DUSP12: variants seen among roughly 807,000 people sequenced by gnomAD.
DUSP12 encodes dual specificity phosphatase 12.
DUSP12 carries 25 observed loss-of-function variants against 38.9 expected under a neutral mutation model. That is an observed-to-expected ratio of 0.64 (90% CI 0.47 to 0.90). The LOEUF is 0.90. Among genes scored for constraint, DUSP12 ranks in the 40% least tolerant of loss-of-function variants. DUSP12 has a pLI of 0.00. For missense variants in DUSP12, 403 were observed against 427.0 expected, an observed-to-expected ratio of 0.94 and a Z score of 0.50; for synonymous variants, 153 against 153.9, an observed-to-expected ratio of 0.99 and a Z score of 0.05.
At chr1:161,751,099 T>C (rs1370707068) in intron 1 of DUSP12, 1 of 152,214 alleles carries the variant, frequency 6.6e-6, no homozygotes, top group African/African-American at 2.4e-5. Flanking sequence ...GATTTGTTTT[T>C]GTTTTGTTTT....
intron 1 of DUSP12, 66 bp from the exon 2 acceptor site, chr1:161,751,602 G>C: frequency 1.3e-6 from 2 of 1,560,608 alleles, no homozygotes; most frequent in Non-Finnish European, 8.6e-7. Flanking sequence ...TAGGGGGCTG[G>C]GCTTTGTGTG....
chr1:161,752,393 CTT>C lies in DUSP12; in HGVS notation c.605_606del (p.Phe202CysfsTer3), dbSNP rs1217966187. On this transcript the variant is annotated frameshift_variant, in exon 4 of 6. Coordinates refer to ENST00000367943, the MANE Select transcript of DUSP12 (RefSeq NM_007240.3). LOFTEE classifies it high-confidence loss of function. ...AATTGCAGAATTTACCTCAAGAACT[CTT>C]TGCTGTTGACCCAACTACCGTTTCA... ...PELQNLPQEL[F>X]AVDPTTVSQG... 6.2e-7 allele frequency: 1 copy of C among 1,612,514 alleles called. No individual in the cohort carries two copies. Among genetic ancestry groups the C allele is most frequent in the Non-Finnish European group, 8.5e-7 (1 of 1,178,998 alleles).
intron 1 of DUSP12, 81 bp downstream of exon 1, chr1:161,750,226 G>C: frequency 6.8e-7 from 1 of 1,474,316 alleles, no homozygotes; most frequent in Non-Finnish European, 9.2e-7. Context: ...CGAGGCCGTC[G>C]GGAGGACAAG....
chr1:161,753,636 G>A (rs1326334568), intron 5 of DUSP12, among the ~76,000 whole-genome samples: 1 of 151,876 alleles, frequency 6.6e-6, no homozygotes, highest in Admixed American at 6.6e-5. Context: ...GAGGCGGGAG[G>A]ATCACTTGAG....
rs1684040624 is a variant in DUSP12 at position 161,752,452 on chromosome 1, G to A, written c.662G>A (p.Cys221Tyr). The change falls in exon 4 of 6, where the codon TGT (cysteine) becomes TAT (tyrosine). Residue 221 changes from cysteine to tyrosine, a missense_variant. Coordinates refer to ENST00000367943, the MANE Select transcript of DUSP12 (RefSeq NM_007240.3). Reference protein sequence around the residue: ...QGLKDEVLYKCRKCRRSLFRS... With the variant: ...QGLKDEVLYKYRKCRRSLFRS... ...TTGAAAGATGAGGTTCTCTACAAGTGTAGAAAGTGCAGGTAAACTATTTTA... is the reference window on the plus strand; with the variant it reads ...TTGAAAGATGAGGTTCTCTACAAGTATAGAAAGTGCAGGTAAACTATTTTA... 1 of 1,608,576 alleles carries A rather than the reference G, an allele frequency of 6.2e-7. No individual in the cohort carries two copies. The highest frequency in any genetic ancestry group is 2.2e-5 in the East Asian group (1 of 44,824).
intron 4 of DUSP12, among the ~76,000 whole-genome samples, chr1:161,752,723 C>T (rs1010838810): frequency 1.3e-5 from 2 of 152,212 alleles, no homozygotes; most frequent in Non-Finnish European, 2.9e-5. Flanking sequence ...GGCGCAGTGG[C>T]TCACGCCTGT....
At position 161,756,737 on chromosome 1, in the gene DUSP12, GT is replaced by G. The variant is rs1437243652; in HGVS notation, c.862-45del. On this transcript the variant is annotated intron_variant, in intron 5 of 5. Coordinates refer to ENST00000367943, the MANE Select transcript of DUSP12 (RefSeq NM_007240.3). ...TATTGATTGCCAAAGATAATGATTTGTTTTGTATAAAAGTGAATGAATAAAG... is the reference window on the plus strand; with the variant it reads ...TATTGATTGCCAAAGATAATGATTTGTTTGTATAAAAGTGAATGAATAAAG... The G allele has an allele frequency of 2.5e-6, 4 of 1,585,324 alleles. No homozygotes were observed. In the Admixed American group the frequency reaches 7.1e-5, roughly 28 times the overall value.
intron 5 of DUSP12, among the ~76,000 whole-genome samples, chr1:161,755,885 C>G (rs1375768065): frequency 6.6e-6 from 1 of 152,048 alleles, no homozygotes; most frequent in Non-Finnish European, 1.5e-5. Context: ...GAGACGGAGT[C>G]TTGCTCTGTT....
In DUSP12 at chr1:161,757,050, A is replaced by G; in HGVS notation, c.*103A>G. 1 of 1,146,440 alleles carries G rather than the reference A, an allele frequency of 8.7e-7. No homozygotes were observed. Among genetic ancestry groups the G allele is most frequent in the Admixed American group, 2.7e-5 (1 of 37,152 alleles). The allele number at this position is 1,146,440 out of a possible 1,614,324, so 71.0% of individuals were successfully genotyped here. ...GTTTGTGCTTTCAACATTTCATTTG[A>G]AATGGGAGAAGATAAAATCACTTGA... On this transcript the variant is annotated 3_prime_UTR_variant, in exon 6 of 6. Coordinates refer to ENST00000367943, the MANE Select transcript of DUSP12 (RefSeq NM_007240.3).
At chr1:161,755,866 C>CT (rs969399974) in intron 5 of DUSP12, among the ~76,000 whole-genome samples, 3 of 151,730 alleles carry the variant, frequency 2.0e-5, no homozygotes, top group African/African-American at 4.8e-5. Flanking sequence ...TTCTGAATTT[C>CT]TTTTTTTTGA....
chr1:161,751,593 A>G (rs1684019278), intron 1 of DUSP12, 75 bp from the exon 2 acceptor site: 1 of 1,539,644 alleles, frequency 6.5e-7, no homozygotes, highest in South Asian at 1.3e-5. Flanking sequence ...TACTATTAAT[A>G]GGGGGCTGGG....
At position 161,750,158 on chromosome 1, in the gene DUSP12, G is replaced by A. The variant is rs760025908; in HGVS notation, c.344+13G>A. On this transcript the variant is annotated intron_variant, in intron 1 of 5. Coordinates refer to ENST00000367943, the MANE Select transcript of DUSP12 (RefSeq NM_007240.3). ...TGTTGGTGCACTGGTGAGTGGCCGG[G>A]TCAGTGGGTGACGTGCCCCGCCAAG... 6.3e-7 allele frequency: 1 copy of A among 1,599,700 alleles called. No homozygotes were observed.
chr1:161,756,359 A>T (rs10917867), intron 5 of DUSP12, among the ~76,000 whole-genome samples: 20,797 of 151,838 alleles, frequency 0.14, 2,701 homozygotes, highest in African/African-American at 0.34. Context: ...ATAGCTAAGA[A>T]TCTGACTTAT....
Position 161,757,191 on chromosome 1 carries a change from A to T in DUSP12, c.*244A>T. On this transcript the variant is annotated 3_prime_UTR_variant, in exon 6 of 6. Transcript: ENST00000367943. ...TGTCTGTGTTTCATATATTTTTAAA[A>T]GTTTTGATTGTTGGAATGTTATATG... The T allele has an allele frequency of 3.2e-6, 1 of 309,984 alleles. No homozygotes were observed. Among genetic ancestry groups the T allele is most frequent in the Non-Finnish European group, 6.0e-6 (1 of 167,762 alleles). The allele number at this position is 309,984 out of a possible 1,614,324, so 19.2% of individuals were successfully genotyped here.
rs10527814 is a variant in DUSP12, at chr1:161,756,483, C to CTATATATATATATATA, written c.862-281_862-266dup. Among the ~76,000 whole-genome samples, 89 of 124,698 alleles carry CTATATATATATATATA rather than the reference C, an allele frequency of 7.1e-4. 3 individuals are homozygous for CTATATATATATATATA. Among genetic ancestry groups the CTATATATATATATATA allele is most frequent in the Non-Finnish European group, 9.8e-4 (57 of 57,934 alleles). 81.8% of individuals were successfully genotyped at this position (124,698 alleles called of 152,430 possible). On this transcript the variant is annotated intron_variant, in intron 5 of 5. Coordinates refer to ENST00000367943, the MANE Select transcript of DUSP12 (RefSeq NM_007240.3). ...CCTAAATTACAAACTGATTTAAAAGCTATATATATATATATATATATATAT... is the reference window on the plus strand; with the variant it reads ...CCTAAATTACAAACTGATTTAAAAGCTATATATATATATATATATATATATATATATATATATATAT...
Position 161,750,038 on chromosome 1 carries a change from CG to C in DUSP12, c.238del (p.Val80CysfsTer46). On this transcript the variant is annotated frameshift_variant, in exon 1 of 6. Coordinates refer to ENST00000367943, the MANE Select transcript of DUSP12 (RefSeq NM_007240.3). LOFTEE classifies it high-confidence loss of function. ...PGVEDLWRLF[V>X]PALDKPETDL... ...GGGTCGAGGATCTATGGCGCCTCTT[CG>C]TGCCAGCGCTGGACAAACCCGAGAC... is the stretch of plus-strand genomic sequence containing the variant. 6.2e-7 allele frequency: 1 copy of C among 1,614,022 alleles called. No individual in the cohort carries two copies. Among genetic ancestry groups the C allele is most frequent in the Non-Finnish European group, 8.5e-7 (1 of 1,179,976 alleles).
In DUSP12 at chr1:161,756,936, G is replaced by A. The variant is rs61757365; in HGVS notation, c.1012G>A (p.Gly338Arg). 17 of 1,611,464 alleles carry A rather than the reference G, an allele frequency of 1.1e-5. No individual in the cohort carries two copies. Among genetic ancestry groups the A allele is most frequent in the Non-Finnish European group, 1.4e-5 (17 of 1,178,400 alleles). ...ATTGCCTGTTTTGGGATCACAAACAGGAAAAATATGAACATGATATTTTAT... is the reference window on the plus strand; with the variant it reads ...ATTGCCTGTTTTGGGATCACAAACAAGAAAAATATGAACATGATATTTTAT... ...KILPVLGSQT[G>R]KI Residue 338 changes from glycine (G) to arginine (R), a missense_variant, in exon 6 of 6, where the codon GGA (glycine) becomes AGA (arginine). Coordinates refer to ENST00000367943, the MANE Select transcript of DUSP12 (RefSeq NM_007240.3).
rs756336121 is a variant in DUSP12, at chr1:161,750,177, C to T, written c.344+32C>T. The T allele has an allele frequency of 2.5e-6, 4 of 1,581,584 alleles. No individual in the cohort carries two copies. In the African/African-American group the frequency reaches 5.4e-5, roughly 21 times the overall value. On this transcript the variant is annotated intron_variant, in intron 1 of 5. Transcript: ENST00000367943. Reference sequence around the variant, plus strand: ...GGCCGGGTCAGTGGGTGACGTGCCCCGCCAAGCTTCCAGCCGGCCCCCGTC... The same window carrying T: ...GGCCGGGTCAGTGGGTGACGTGCCCTGCCAAGCTTCCAGCCGGCCCCCGTC...
intron 5 of DUSP12, among the ~76,000 whole-genome samples, chr1:161,755,485 A>G (rs1051599744): frequency 5.3e-5 from 8 of 152,208 alleles, no homozygotes; most frequent in African/African-American, 1.9e-4. Context: ...CCGTTACTCC[A>G]TATCCTTGAC....
Sources: allele counts gnomAD v4.1 joint callset (sites outside exome capture counted in the v4.1 genomes callset), GRCh38; gene constraint gnomAD v4.1.1; transcripts MANE v1.5; gene names NCBI Gene and HGNC (gene_info 2026-07-23, HGNC 2026-07-21).